ATP2A1: variants seen among roughly 807,000 people sequenced by gnomAD.
The protein encoded by ATP2A1 is sarcoplasmic/endoplasmic reticulum calcium ATPase 1.
In ATP2A1, 83 loss-of-function variants were observed where a neutral mutation model predicts 109.5. The ratio of observed to expected loss-of-function variants is 0.76; its 90% CI spans 0.63 to 0.91. ATP2A1 has a LOEUF of 0.91. Ranked by LOEUF, ATP2A1 falls within the 40% of genes least tolerant of loss-of-function variation. The pLI, the probability that ATP2A1 is intolerant of heterozygous loss-of-function variation, is 0.00. For synonymous variants in ATP2A1, 505 were observed against 537.6 expected, an observed-to-expected ratio of 0.94 and a Z score of 0.84; for missense variants, 1,101 against 1,341.0, an observed-to-expected ratio of 0.82 and a Z score of 2.80.
chr16:28,883,163 C>T lies in ATP2A1; in HGVS notation c.463+574C>T, dbSNP rs1297054181. Among the ~76,000 whole-genome samples the T allele has an allele frequency of 3.9e-5, 6 of 152,186 alleles. No individual in the cohort carries two copies. Among genetic ancestry groups the T allele is most frequent in the Admixed American group, 2.0e-4 (3 of 15,280 alleles). ...TGCCTGGCCAGGGAGGGGTGGGGGC[C>T]GGGTGGCTAAGATTACTGGGATTCT... On this transcript the variant is annotated intron_variant, in intron 5 of 22. Transcript: ENST00000395503. This position sits in a 1 kb window ranked among gnomAD's most constrained non-coding sequence, Gnocchi z 5.2.
intron 1 of ATP2A1, 28 bp from the exon 2 acceptor site, chr16:28,879,069 ATC>A: frequency 6.2e-7 from 1 of 1,613,934 alleles, no homozygotes; most frequent in Non-Finnish European, 8.5e-7. Flanking sequence ...CCCCAAATGA[ATC>A]TGTCCTTTTC....
intron 10 of ATP2A1, 94 bp from the exon 11 acceptor site, chr16:28,894,411 C>T: frequency 3.7e-6 from 5 of 1,347,810 alleles, no homozygotes; most frequent in Non-Finnish European, 1.0e-6. Context: ...CCTTCCTTAC[C>T]CTCTGCTGCC....
At chr16:28,899,936 G>A (rs1297271743) in intron 14 of ATP2A1, among the ~76,000 whole-genome samples, 1 of 151,210 alleles carries the variant, frequency 6.6e-6, no homozygotes, top group East Asian at 1.9e-4. Flanking sequence ...CTGCACTCCA[G>A]CGTGGGTGAC....
chr16:28,900,694 G>C lies in ATP2A1; in HGVS notation c.1878G>C (p.Gly626=). The part of the protein sequence containing the change: ...DAGIRVIMIT[G]DNKGTAIAIC... ...GGATCCGGGTGATCATGATCACTGG[G>C]GACAACAAGGGCACAGCCATTGCCA... The change falls in exon 15 of 23, where the codon GGG becomes GGC. Residue 626 remains glycine, a synonymous_variant. Transcript: ENST00000395503. 1.2e-6 allele frequency: 2 copies of C among 1,613,962 alleles called. No individual in the cohort carries two copies. The highest frequency in any genetic ancestry group is 1.7e-6 in the Non-Finnish European group (2 of 1,179,852).
Position 28,883,028 on chromosome 16 carries a change from C to T in ATP2A1, c.463+439C>T, listed in dbSNP as rs989169579. Among the ~76,000 whole-genome samples, 1 of 152,168 alleles carries T rather than the reference C, an allele frequency of 6.6e-6. No individual in the cohort carries two copies. The highest frequency in any genetic ancestry group is 2.1e-4 in the South Asian group (1 of 4,830). ...CGAGGGCAGAAGGGAGGAGGGAGGC[C>T]GAAGGCTCGAGCCCCCGACCATGTA... On this transcript the variant is annotated intron_variant, in intron 5 of 22. Coordinates refer to ENST00000395503, the MANE Select transcript of ATP2A1 (RefSeq NM_004320.6). This position sits in a 1 kb window ranked among gnomAD's most constrained non-coding sequence, Gnocchi z 5.2.
In ATP2A1 at chr16:28,898,320, A is replaced by C. The variant is rs1242780606; in HGVS notation, c.1633A>C (p.Ile545Leu). 6 of 1,614,046 alleles carry C rather than the reference A, an allele frequency of 3.7e-6. No individual in the cohort carries two copies. The East Asian group carries it at 1.1e-4, about 30-fold the overall frequency. Residue 545 changes from isoleucine to leucine, a missense_variant, in exon 14 of 23, where the codon ATC (isoleucine) becomes CTC (leucine). Transcript: ENST00000395503. This position sits in a 1 kb window ranked among gnomAD's most constrained non-coding sequence, Gnocchi z 4.0. ...VPLTGPVKEK[I>L]MAVIKEWGTG... ...ACTGACGGGGCCGGTGAAGGAAAAG[A>C]TCATGGCGGTGATCAAGGAGTGGGG...
At chr16:28,893,570 T>C (rs950286452) in intron 9 of ATP2A1, among the ~76,000 whole-genome samples, 3 of 152,024 alleles carry the variant, frequency 2.0e-5, no homozygotes, top group African/African-American at 7.2e-5. Flanking sequence ...CCATACCTTA[T>C]TGTGTTCCAT....
chr16:28,879,306 A>T, intron 2 of ATP2A1, 190 bp downstream of exon 2: 1 of 861,112 alleles, frequency 1.2e-6, no homozygotes, highest in Non-Finnish European at 1.9e-6. Context: ...GAAGCAGCCA[A>T]CCCTTGAACT....
Position 28,879,879 on chromosome 16 carries a change from C to A in ATP2A1, c.219+296C>A, listed in dbSNP as rs576443110. ...TCGGGTTACCCACCCGAACTCCGGG[C>A]TCCGGGTCCCGCCGCGATGCCGGCT... On this transcript the variant is annotated intron_variant, in intron 3 of 22. Transcript: ENST00000395503. 3.3e-5 allele frequency: 20 copies of A among 612,976 alleles called. No individual in the cohort carries two copies. In the East Asian group the frequency reaches 4.9e-4, roughly 15 times the overall value. 38.0% of individuals were successfully genotyped at this position (612,976 alleles called of 1,614,324 possible). A position where few individuals can be genotyped will look rare whatever the true frequency, so the allele number is the denominator to read the frequency against.
intron 12 of ATP2A1, 66 bp downstream of exon 12, chr16:28,895,019 A>G (rs1963880285): frequency 1.3e-6 from 2 of 1,599,428 alleles, no homozygotes; most frequent in South Asian, 2.2e-5. Context: ...AGAGGAAGGC[A>G]GAGGCCCTGG....
rs772673397 is a variant in ATP2A1 at position 28,902,326 on chromosome 16, C to T, written c.2464C>T (p.Arg822Trp). 12 of 1,614,034 alleles carry T rather than the reference C, an allele frequency of 7.4e-6. No homozygotes were observed. The highest frequency in any genetic ancestry group is 2.2e-5 in the East Asian group (1 of 44,888). Residue 822 changes from arginine (R) to tryptophan (W), a missense_variant, in exon 17 of 23, where the codon CGG becomes TGG. Arg to Trp is a moderately radical substitution (Grantham distance 101). Coordinates refer to ENST00000395503, the MANE Select transcript of ATP2A1 (RefSeq NM_004320.6). This position sits in a 1 kb window ranked among gnomAD's most constrained non-coding sequence, Gnocchi z 4.8. ...CCTGGACATCATGGACCGCCCCCCC[C>T]GGAGCCCCAAGGAGCCCCTCATCAG... ...PDLDIMDRPP[R>W]SPKEPLISGW...
intron 8 of ATP2A1, among the ~76,000 whole-genome samples, chr16:28,888,554 A>G (rs2152204964): frequency 6.6e-6 from 1 of 151,884 alleles, no homozygotes; most frequent in South Asian, 2.1e-4. Context: ...TACCACAGGC[A>G]ATCACCACCA....
rs1259196217 is a variant in ATP2A1, at chr16:28,879,580, C to T, written c.216C>T (p.Ser72=). 3 of 1,614,116 alleles carry T rather than the reference C, an allele frequency of 1.9e-6. No individual in the cohort carries two copies. The South Asian group carries it at 3.3e-5, about 18-fold the overall frequency. The change falls in exon 3 of 23, where the codon TCC becomes TCT. Residue 72 remains serine (S), a synonymous_variant. Coordinates refer to ENST00000395503, the MANE Select transcript of ATP2A1 (RefSeq NM_004320.6). ...TTCTCCTCCTGGCCGCATGCATTTC[C>T]TTCGTAAGTGTGGGAGGGTCTCTGG... is the stretch of plus-strand genomic sequence containing the variant. ...VRILLLAACI[S]FVLAWFEEGE...
chr16:28,888,956 C>G lies in ATP2A1; in HGVS notation c.1095+3C>G. 1 of 1,614,098 alleles carries G rather than the reference C, an allele frequency of 6.2e-7. No individual in the cohort carries two copies. Among genetic ancestry groups the G allele is most frequent in the Non-Finnish European group, 8.5e-7 (1 of 1,180,012 alleles). ...CCAACCAGATGTCTGTCTGCAAGGT[C>G]AGGAGCAGTGTGGGCAGCGCGCTCA... is the stretch of plus-strand genomic sequence containing the variant. On this transcript the variant is annotated splice_donor_region_variant and intron_variant, in intron 9 of 22. Coordinates refer to ENST00000395503, the MANE Select transcript of ATP2A1 (RefSeq NM_004320.6).
chr16:28,894,145 T>C lies in ATP2A1; in HGVS notation c.1096-10T>C. 3 of 1,612,942 alleles carry C rather than the reference T, an allele frequency of 1.9e-6. No individual in the cohort carries two copies. The South Asian group carries it at 3.3e-5, about 18-fold the overall frequency. On this transcript the variant is annotated splice_polypyrimidine_tract_variant and intron_variant, in intron 9 of 22. Transcript: ENST00000395503. The stretch of plus-strand genomic sequence containing the variant: ...GTGGACATCTGTGTGCCTGCCCTTC[T>C]CCCCTGCAGATGTTTATCATTGACA...
At chr16:28,901,018 C>A in intron 15 of ATP2A1, 102 bp downstream of exon 15, 2 of 1,455,526 alleles carry the variant, frequency 1.4e-6, no homozygotes, top group Non-Finnish European at 1.9e-6. Flanking sequence ...TGGTAAGATG[C>A]AAGAAGGGTG....
chr16:28,883,896 C>G lies in ATP2A1; in HGVS notation c.464-679C>G, dbSNP rs1350457693. Among the ~76,000 whole-genome samples the G allele has an allele frequency of 6.6e-6, 1 of 152,102 alleles. No individual in the cohort carries two copies. The highest frequency in any genetic ancestry group is 1.5e-5 in the Non-Finnish European group (1 of 68,018). Reference sequence around the variant, plus strand: ...GATGCTCAGACCGGGCTGTCAGGTTCCCGATATGTGGTCCTCTCCATGACC... The same window carrying G: ...GATGCTCAGACCGGGCTGTCAGGTTGCCGATATGTGGTCCTCTCCATGACC... On this transcript the variant is annotated intron_variant, in intron 5 of 22. Transcript: ENST00000395503. This position sits in a 1 kb window ranked among gnomAD's most constrained non-coding sequence, Gnocchi z 5.2.
rs376922236 is a variant in ATP2A1, at chr16:28,880,902, C to T, written c.220-13C>T. The T allele has an allele frequency of 9.9e-6, 16 of 1,611,810 alleles. No homozygotes were observed. Among genetic ancestry groups the T allele is most frequent in the Non-Finnish European group, 1.3e-5 (15 of 1,177,952 alleles). ...CCTCATTACCTGTCATTCTCCTTTC[C>T]CCTGCTCCCCAGGTGCTGGCCTGGT... On this transcript the variant is annotated splice_polypyrimidine_tract_variant and intron_variant, in intron 3 of 22. Transcript: ENST00000395503. The surrounding 1 kb of genome is among the most constrained non-coding windows in gnomAD (Gnocchi z 4.2).
chr16:28,898,363 T>C lies in ATP2A1; in HGVS notation c.1676T>C (p.Leu559Pro), dbSNP rs1245306352. 5.6e-6 allele frequency: 9 copies of C among 1,614,190 alleles called. No individual in the cohort carries two copies. Among genetic ancestry groups the C allele is most frequent in the Non-Finnish European group, 5.9e-6 (7 of 1,180,030 alleles). Residue 559 changes from leucine (L) to proline (P), a missense_variant, in exon 14 of 23, where the codon CTG (leucine) becomes CCG (proline). Transcript: ENST00000395503. The surrounding 1 kb of genome is among the most constrained non-coding windows in gnomAD (Gnocchi z 4.0). ...IKEWGTGRDT[L>P]RCLALATRDT... ...GAGTGGGGCACTGGCCGGGACACCC[T>C]GCGCTGCTTGGCCCTGGCCACCCGG... is the stretch of plus-strand genomic sequence containing the variant.
Sources: gnomAD v4.1 joint callset for allele counts (sites outside exome capture counted in the v4.1 genomes callset) on GRCh38, gnomAD v4.1.1 for gene constraint, Gnocchi (gnomAD v3.1) non-coding constraint, MANE v1.5 for transcripts, NCBI Gene and HGNC (gene_info 2026-07-23, HGNC 2026-07-21) for gene names.